GPR158: variants seen among roughly 807,000 people sequenced by gnomAD.
GPR158 encodes G protein-coupled receptor 158.
GPR158 carries 30 observed loss-of-function variants against 78.2 expected under a neutral mutation model. The ratio of observed to expected loss-of-function variants is 0.38; its 90% CI spans 0.29 to 0.52. GPR158 has a LOEUF of 0.52. Among genes scored for constraint, GPR158 ranks in the 20% least tolerant of loss-of-function variants. The pLI is 0.83. For missense variants in GPR158, 1,463 were observed against 1,523.5 expected (o/e 0.96, Z 0.66); for synonymous variants, 581 against 591.1 (o/e 0.98, Z 0.25).
intron 1 of GPR158, among the ~76,000 whole-genome samples, chr10:25,184,128 C>G (rs887426960): frequency 1.3e-5 from 2 of 152,160 alleles, no homozygotes; most frequent in African/African-American, 2.4e-5. Flanking sequence ...CTATAAATTA[C>G]CAACTTGCAG....
intron 6 of GPR158, among the ~76,000 whole-genome samples, chr10:25,570,238 C>A (rs929391282): frequency 2.0e-5 from 3 of 152,140 alleles, no homozygotes; most frequent in East Asian, 1.9e-4. Flanking sequence ...ACAATGGAAA[C>A]CTTCTTATCC....
intron 2 of GPR158, among the ~76,000 whole-genome samples, chr10:25,306,272 A>G (rs944984273): frequency 1.3e-5 from 2 of 152,186 alleles, no homozygotes; most frequent in Non-Finnish European, 2.9e-5. Flanking sequence ...GATCATCCAT[A>G]ATTTGCCTAT....
At chr10:25,559,177 AC>A (rs1836829000) in intron 6 of GPR158, among the ~76,000 whole-genome samples, 1 of 152,148 alleles carries the variant, frequency 6.6e-6, no homozygotes, top group Non-Finnish European at 1.5e-5. Context: ...CATGAATCAA[AC>A]CTTTTATTAT....
chr10:25,500,437 T>C (rs1380174096), intron 5 of GPR158, among the ~76,000 whole-genome samples: 1 of 152,248 alleles, frequency 6.6e-6, no homozygotes, highest in African/African-American at 2.4e-5. Context: ...GATTACTACG[T>C]GCCTTTTGGC....
chr10:25,282,463 A>G (rs908228199), intron 2 of GPR158, among the ~76,000 whole-genome samples: 1 of 152,176 alleles, frequency 6.6e-6, no homozygotes, highest in African/African-American at 2.4e-5. Flanking sequence ...TTGTGTCAAC[A>G]TAAGTTTTTA....
At chr10:25,254,465 T>C (rs1345539040) in intron 2 of GPR158, among the ~76,000 whole-genome samples, 1 of 152,200 alleles carries the variant, frequency 6.6e-6, no homozygotes, top group Non-Finnish European at 1.5e-5. Flanking sequence ...TGATTATTTT[T>C]AAAAGGAGTA....
intron 2 of GPR158, among the ~76,000 whole-genome samples, chr10:25,229,838 T>G (rs141501060): frequency 6.6e-6 from 1 of 152,294 alleles, no homozygotes; most frequent in Non-Finnish European, 1.5e-5. Flanking sequence ...ACTTTAGACA[T>G]GGTGCTTTGG....
At chr10:25,236,677 T>C (rs1464698161) in intron 2 of GPR158, among the ~76,000 whole-genome samples, 1 of 152,116 alleles carries the variant, frequency 6.6e-6, no homozygotes, top group Non-Finnish European at 1.5e-5. Context: ...CGAGTCATGC[T>C]TATCCTTTGA....
chr10:25,405,785 G>T (rs1257485717), intron 3 of GPR158, among the ~76,000 whole-genome samples: 1 of 151,844 alleles, frequency 6.6e-6, no homozygotes, highest in Non-Finnish European at 1.5e-5. Context: ...TATTATAAAG[G>T]AGCAAAAATG....
intron 2 of GPR158, among the ~76,000 whole-genome samples, chr10:25,372,901 A>T (rs1408589174): frequency 6.6e-6 from 1 of 151,906 alleles, no homozygotes; most frequent in Admixed American, 6.6e-5. Flanking sequence ...ACAAAGAAAA[A>T]AAGACCTAAA....
chr10:25,403,871 A>G (rs1476745031), intron 3 of GPR158, among the ~76,000 whole-genome samples: 1 of 152,074 alleles, frequency 6.6e-6, no homozygotes, highest in African/African-American at 2.4e-5. Flanking sequence ...TTGAGAGAGC[A>G]CTTTCATCAG....
At chr10:25,315,589 C>A (rs1353023194) in intron 2 of GPR158, among the ~76,000 whole-genome samples, 2 of 151,962 alleles carry the variant, frequency 1.3e-5, no homozygotes, top group Admixed American at 1.3e-4. Context: ...ATTGATATGA[C>A]TATTGTATTT....
intron 2 of GPR158, among the ~76,000 whole-genome samples, chr10:25,289,231 C>G (rs1358804490): frequency 6.6e-6 from 1 of 152,114 alleles, no homozygotes; most frequent in Non-Finnish European, 1.5e-5. Context: ...GAGATAGCTA[C>G]TACTTTCCAA....
intron 3 of GPR158, among the ~76,000 whole-genome samples, chr10:25,398,723 G>C (rs539562210): frequency 6.6e-6 from 1 of 152,300 alleles, no homozygotes; most frequent in Admixed American, 6.5e-5. Context: ...TAACTCCCAT[G>C]TTATACCCAT....
intron 2 of GPR158, among the ~76,000 whole-genome samples, chr10:25,259,565 A>G (rs1433403172): frequency 6.6e-6 from 1 of 152,116 alleles, no homozygotes; most frequent in Non-Finnish European, 1.5e-5. Flanking sequence ...TCTTCCTTAG[A>G]TGTGTCTTGG....
intron 2 of GPR158, among the ~76,000 whole-genome samples, chr10:25,339,304 T>G (rs1295974590): frequency 2.0e-5 from 3 of 152,094 alleles, no homozygotes; most frequent in Non-Finnish European, 4.4e-5. Flanking sequence ...AATTTTTTAA[T>G]GTTTTAATGC....
chr10:25,297,845 G>A (rs1854538430), intron 2 of GPR158, among the ~76,000 whole-genome samples: 1 of 152,174 alleles, frequency 6.6e-6, no homozygotes, highest in African/African-American at 2.4e-5. Flanking sequence ...TACAAGAACA[G>A]TGACATCTCA....
rs1271322473 is a variant in GPR158 at position 25,176,851 on chromosome 10, A to C, written c.902+529A>C. Among the ~76,000 whole-genome samples the C allele has an allele frequency of 6.6e-6, 1 of 152,182 alleles. No homozygotes were observed. Among genetic ancestry groups the C allele is most frequent in the Non-Finnish European group, 1.5e-5 (1 of 68,018 alleles). On this transcript the variant is annotated intron_variant, in intron 1 of 10. Coordinates refer to ENST00000376351, the MANE Select transcript of GPR158 (RefSeq NM_020752.3). The surrounding 1 kb of genome is among the most constrained non-coding windows in gnomAD (Gnocchi z 6.3). ...GGTCTGTTGTTAGTCAGAGCTTATA[A>C]TTAAAACTGTGCCATCTCCTCGCAG...
In GPR158 at chr10:25,175,819, C is replaced by A; in HGVS notation, c.399C>A (p.Thr133=). Reference sequence around the variant, plus strand: ...CGCTGGACACACTGACACACGCCACCAACTTCCTCAACGTGATGCTGCAGA... The same window carrying A: ...CGCTGGACACACTGACACACGCCACAAACTTCCTCAACGTGATGCTGCAGA... ...HRALDTLTHA[T]NFLNVMLQSN... is the part of the protein sequence containing the mutation. Residue 133 remains threonine (T), a synonymous_variant, in exon 1 of 11, where the codon ACC becomes ACA. Coordinates refer to ENST00000376351, the MANE Select transcript of GPR158 (RefSeq NM_020752.3). The surrounding 1 kb of genome is among the most constrained non-coding windows in gnomAD (Gnocchi z 6.4). The A allele has an allele frequency of 6.2e-7, 1 of 1,612,880 alleles. No homozygotes were observed. Among genetic ancestry groups the A allele is most frequent in the Non-Finnish European group, 8.5e-7 (1 of 1,179,986 alleles).
Sources: gnomAD v4.1 joint callset for allele counts (sites outside exome capture counted in the v4.1 genomes callset) on GRCh38, gnomAD v4.1.1 for gene constraint, Gnocchi (gnomAD v3.1) non-coding constraint, MANE v1.5 for transcripts, NCBI Gene and HGNC (gene_info 2026-07-23, HGNC 2026-07-21) for gene names.